NPHP3: variants seen among roughly 807,000 people sequenced by gnomAD.
The protein encoded by NPHP3 is nephrocystin-3.
In NPHP3, 123 loss-of-function variants were observed where a neutral mutation model predicts 171.9. That is an observed-to-expected ratio of 0.72 (90% confidence interval 0.62 to 0.83). NPHP3 has a LOEUF of 0.83. Ranked by LOEUF, NPHP3 falls within the 40% of genes least tolerant of loss-of-function variation. The pLI is 0.00. For synonymous variants in NPHP3, 558 were observed against 579.2 expected (o/e 0.96, Z 0.52); for missense variants, 1,506 against 1,591.9 (o/e 0.95, Z 0.92).
At position 132,701,849 on chromosome 3, in the gene NPHP3, T is replaced by C. The variant is rs11717312; in HGVS notation, c.1525-316A>G. On this transcript the variant is annotated intron_variant, in intron 9 of 26. Transcript: ENST00000337331. ...CATCCTGGCTAACACGGTGAAATCC[T>C]GTCTCTACTAAAAATACAAAAACAA... is the stretch of plus-strand genomic sequence containing the variant. Among the ~76,000 whole-genome samples the C allele has an allele frequency of 0.023, 3,480 of 152,226 alleles. 49 individuals are homozygous for C. The highest frequency in any genetic ancestry group is 0.028 in the Non-Finnish European group (1,931 of 68,002).
chr3:132,682,231 C>T (rs960229694), intron 26 of NPHP3, 141 bp from the exon 27 acceptor site: 43 of 728,910 alleles, frequency 5.9e-5, no homozygotes, highest in Non-Finnish European at 8.4e-5. Context: ...TCAAGCAGAC[C>T]AGTAAAACAA....
chr3:132,683,608 T>C (rs1939086564), intron 24 of NPHP3, 84 bp from the exon 25 acceptor site: 1 of 1,108,246 alleles, frequency 9.0e-7, no homozygotes, highest in Non-Finnish European at 1.3e-6. Flanking sequence ...TAAAATTTCA[T>C]ATTAAAGGGT....
In NPHP3 at chr3:132,681,744, C is replaced by G; in HGVS notation, c.*166G>C. 1.5e-6 allele frequency: 1 copy of G among 670,880 alleles called. No homozygotes were observed. Among genetic ancestry groups the G allele is most frequent in the Non-Finnish European group, 2.6e-6 (1 of 380,376 alleles). 41.6% of individuals were successfully genotyped at this position (670,880 alleles called of 1,614,324 possible). ...TTTAAACAACTAAAACAGACATAAT[C>G]ACAATTCCAACTTAATGTAATCCAA... On this transcript the variant is annotated 3_prime_UTR_variant, in exon 27 of 27. Transcript: ENST00000337331.
At chr3:132,696,900 T>G in intron 14 of NPHP3, 87 bp from the exon 15 acceptor site, 1 of 1,001,558 alleles carries the variant, frequency 1.0e-6, no homozygotes, top group Non-Finnish European at 1.6e-6. Context: ...CATCAACAAG[T>G]ACCCCGACAG....
Position 132,697,369 on chromosome 3 carries a change from T to A in NPHP3, c.1986-7A>T. ...ATGAAGTGTAGGCCACAACCTTTTA[T>A]GTAAAGAAAAGAAAAATGAAATTTT... On this transcript the variant is annotated splice_region_variant and splice_polypyrimidine_tract_variant and intron_variant, in intron 13 of 26. Transcript: ENST00000337331. 6.3e-7 allele frequency: 1 copy of A among 1,582,924 alleles called. No individual in the cohort carries two copies. The highest frequency in any genetic ancestry group is 2.2e-5 in the East Asian group (1 of 44,606).
chr3:132,704,409 A>G (rs774482159), intron 8 of NPHP3, 38 bp from the exon 9 acceptor site: 1 of 1,613,218 alleles, frequency 6.2e-7, no homozygotes, highest in Non-Finnish European at 8.5e-7. Context: ...ATGAATGAAG[A>G]AAATAAAGAT....
Position 132,712,112 on chromosome 3 carries a change from GA to G in NPHP3, c.1118+1013del, listed in dbSNP as rs1939926145. Among the ~76,000 whole-genome samples, 6 of 152,050 alleles carry G rather than the reference GA, an allele frequency of 3.9e-5. No individual in the cohort carries two copies. In the South Asian group the frequency reaches 1.2e-3, roughly 31 times the overall value. On this transcript the variant is annotated intron_variant, in intron 6 of 26. Coordinates refer to ENST00000337331, the MANE Select transcript of NPHP3 (RefSeq NM_153240.5). ...TCCTTTATCTCTATATCTAACTGGT[GA>G]AAAAAAATCTTTACTTGCAGACAAG...
chr3:132,721,658 C>G, intron 1 of NPHP3: 1 of 548,792 alleles, frequency 1.8e-6, no homozygotes, highest in Non-Finnish European at 3.4e-6. Flanking sequence ...AAGCGGGGAC[C>G]AGGCGCGGTG....
chr3:132,715,659 T>A (rs1452170650), intron 4 of NPHP3, among the ~76,000 whole-genome samples: 1 of 152,228 alleles, frequency 6.6e-6, no homozygotes, highest in African/African-American at 2.4e-5. Flanking sequence ...TTAACACATA[T>A]TTGGCTAGTT....
At chr3:132,720,464 G>A (rs1334609073) in intron 1 of NPHP3, among the ~76,000 whole-genome samples, 57 of 152,162 alleles carry the variant, frequency 3.7e-4, no homozygotes, top group Admixed American at 3.7e-3. Flanking sequence ...TGTTTCCAAC[G>A]TGCGGTGTCT....
At chr3:132,705,911 C>T (rs1939735028) in intron 7 of NPHP3, 97 bp from the exon 8 acceptor site, 2 of 695,940 alleles carry the variant, frequency 2.9e-6, no homozygotes, top group African/African-American at 3.6e-5. Flanking sequence ...AGGAACTATT[C>T]TAAATATTTA....
chr3:132,691,748 A>G (rs1388478141), intron 17 of NPHP3, among the ~76,000 whole-genome samples: 2 of 152,198 alleles, frequency 1.3e-5, no homozygotes, highest in African/African-American at 4.8e-5. Flanking sequence ...AAAACTTCCT[A>G]AAGATTTACT....
rs141847197 is a variant in NPHP3 at position 132,715,276 on chromosome 3, T to C, written c.824-58A>G. 2.6e-4 allele frequency: 388 copies of C among 1,507,136 alleles called. 2 individuals are homozygous for C. The East Asian group carries it at 6.6e-3, about 26-fold the overall frequency. 93.4% of individuals were successfully genotyped at this position (1,507,136 alleles called of 1,614,324 possible). ...ATTACCAGAACACATTTGATCATTC[T>C]AAAAAAGTTTTAAAAACATAACAGG... On this transcript the variant is annotated intron_variant, in intron 4 of 26. Coordinates refer to ENST00000337331, the MANE Select transcript of NPHP3 (RefSeq NM_153240.5).
At chr3:132,718,880 A>T in intron 3 of NPHP3, 114 bp downstream of exon 3, 1 of 1,050,696 alleles carries the variant, frequency 9.5e-7, no homozygotes, top group Non-Finnish European at 1.5e-6. Flanking sequence ...AACAGTAGTT[A>T]AAGCAATAAC....
intron 19 of NPHP3, 112 bp from the exon 20 acceptor site, chr3:132,689,375 C>T: frequency 1.8e-6 from 2 of 1,110,926 alleles, no homozygotes; most frequent in Non-Finnish European, 2.7e-6. Flanking sequence ...TAGGCGAGTA[C>T]TGTGTAATGA....
chr3:132,717,752 C>CTTTT lies in NPHP3; in HGVS notation c.671-847_671-844dup, dbSNP rs959757847. ...TCAGCTACTCTTGGCCATTAAGAAT[C>CTTTT]TTTTTTTTTTTTTTTTTTTTTTTTT... is the stretch of plus-strand genomic sequence containing the variant. On this transcript the variant is annotated intron_variant, in intron 3 of 26. Transcript: ENST00000337331. Among the ~76,000 whole-genome samples the CTTTT allele has an allele frequency of 1.7e-3, 141 of 81,260 alleles. 2 individuals carry two copies. The highest frequency in any genetic ancestry group is 0.011 in the Middle Eastern group (1 of 94). The allele number at this position is 81,260 out of a possible 152,430, so 53.3% of individuals were successfully genotyped here. A position where few individuals can be genotyped will look rare whatever the true frequency, so the allele number is the denominator to read the frequency against.
chr3:132,722,167 C>G lies in NPHP3; in HGVS notation c.189G>C (p.Gly63=), dbSNP rs750280281. 3.8e-5 allele frequency: 60 copies of G among 1,571,930 alleles called. No individual in the cohort carries two copies. In the Middle Eastern group the frequency reaches 2.8e-3, roughly 73 times the overall value. Residue 63 remains glycine, a synonymous_variant, in exon 1 of 27, where the codon GGG becomes GGC. Transcript: ENST00000337331. The part of the protein sequence containing the change: ...AGAGPGSLPR[G]VGAGGLLGAS... ...CCCCCAGCAGCCCGCCCGCGCCCACCCCGCGGGGCAGCGACCCGGGCCCGG... is the reference window on the plus strand; with the variant it reads ...CCCCCAGCAGCCCGCCCGCGCCCACGCCGCGGGGCAGCGACCCGGGCCCGG...
chr3:132,701,008 G>A (rs1939592189), intron 10 of NPHP3, among the ~76,000 whole-genome samples: 1 of 152,082 alleles, frequency 6.6e-6, no homozygotes, highest in Non-Finnish European at 1.5e-5. Context: ...TTGATGTTCT[G>A]TAGAATGTAT....
intron 15 of NPHP3, among the ~76,000 whole-genome samples, chr3:132,695,883 G>A (rs1345775010): frequency 1.3e-5 from 2 of 152,164 alleles, no homozygotes; most frequent in East Asian, 1.9e-4. Flanking sequence ...ACAGTGAGCC[G>A]AGATCAAGCC....
Sources: gnomAD v4.1 joint callset for allele counts (sites outside exome capture counted in the v4.1 genomes callset) on GRCh38, gnomAD v4.1.1 for gene constraint, MANE v1.5 for transcripts, NCBI Gene and HGNC (gene_info 2026-07-23, HGNC 2026-07-21) for gene names.